LARGE1: variants seen among roughly 807,000 people sequenced by gnomAD.
LARGE1 encodes LARGE xylosyl- and glucuronyltransferase 1, also known as xylosyl- and glucuronyltransferase LARGE1.
A neutral mutation model predicts 87.6 loss-of-function variants in LARGE1; 43 were observed. The ratio of observed to expected loss-of-function variants is 0.49; its 90% confidence interval spans 0.38 to 0.63. The LOEUF is 0.63. LARGE1 is among the 30% of genes least tolerant of loss of function. The pLI is 0.00. For missense variants in LARGE1, 802 were observed against 1,000.2 expected, an observed-to-expected ratio of 0.80 and a Z score of 2.67; for synonymous variants, 434 against 394.6, an observed-to-expected ratio of 1.10 and a Z score of -1.18.
intron 7 of LARGE1, among the ~76,000 whole-genome samples, chr22:33,401,066 T>C (rs2065911523): frequency 6.6e-6 from 1 of 151,964 alleles, no homozygotes; most frequent in Non-Finnish European, 1.5e-5. Context: ...TGTTTCTCCC[T>C]CGCACACTCT....
intron 7 of LARGE1, among the ~76,000 whole-genome samples, chr22:33,401,938 A>G (rs948243364): frequency 1.3e-5 from 2 of 152,192 alleles, no homozygotes; most frequent in South Asian, 2.1e-4. Flanking sequence ...TGGGTGCCCC[A>G]GCATCCCTTG....
At chr22:33,466,974 G>A (rs927388278) in intron 6 of LARGE1, among the ~76,000 whole-genome samples, 5 of 152,160 alleles carry the variant, frequency 3.3e-5, no homozygotes, top group Non-Finnish European at 7.3e-5. Context: ...TCTGGGAGGT[G>A]GAGGTTGCAG....
chr22:33,834,630 T>G (rs964185718), intron 1 of LARGE1, among the ~76,000 whole-genome samples: 1 of 152,238 alleles, frequency 6.6e-6, no homozygotes, highest in African/African-American at 2.4e-5. Context: ...ATTAAAAAGC[T>G]TTATTGCTCA....
At chr22:33,573,085 G>GCAATGTTATTGCTATATCTAAGCAATAA (rs2078253724) in intron 5 of LARGE1, among the ~76,000 whole-genome samples, 1 of 152,072 alleles carries the variant, frequency 6.6e-6, no homozygotes, top group Admixed American at 6.5e-5. Context: ...CTATATCTAA[G>GCAATGTTATTGCTATATCTAAGCAATAA]CAATGGATAT....
intron 11 of LARGE1, among the ~76,000 whole-genome samples, chr22:33,177,769 T>C (rs537608610): frequency 1.3e-5 from 2 of 152,308 alleles, no homozygotes; most frequent in Admixed American, 6.5e-5. Context: ...TCACTTGATA[T>C]GGTTTGACTC....
intron 1 of LARGE1, among the ~76,000 whole-genome samples, chr22:33,792,298 AGT>A (rs1485374351): frequency 6.6e-6 from 1 of 152,134 alleles, no homozygotes; most frequent in Non-Finnish European, 1.5e-5. Flanking sequence ...CGTGATAATG[AGT>A]GTGTCTCAGG....
intron 6 of LARGE1, among the ~76,000 whole-genome samples, chr22:33,476,277 G>C (rs117933226): frequency 1.3e-5 from 2 of 152,284 alleles, no homozygotes; most frequent in East Asian, 3.9e-4. Context: ...CAGATTCATT[G>C]AGCCAGACTA....
chr22:33,297,129 T>C (rs1933392807), intron 12 of LARGE1, among the ~76,000 whole-genome samples: 1 of 152,222 alleles, frequency 6.6e-6, no homozygotes, highest in Non-Finnish European at 1.5e-5. Context: ...TGGTGCCACC[T>C]CTACCTGGCT....
intron 11 of LARGE1, among the ~76,000 whole-genome samples, chr22:33,172,263 T>C (rs1407973911): frequency 6.6e-6 from 1 of 152,238 alleles, no homozygotes; most frequent in East Asian, 1.9e-4. Flanking sequence ...TCATAGGGAC[T>C]TGCTTTGTCT....
chr22:33,641,321 TAACA>T (rs2080425546), intron 3 of LARGE1, among the ~76,000 whole-genome samples: 1 of 151,944 alleles, frequency 6.6e-6, no homozygotes, highest in Non-Finnish European at 1.5e-5. Flanking sequence ...GAAGGAAAAC[TAACA>T]AACATAAAGC....
chr22:33,145,853 C>T, the LARGE1 span, among the ~76,000 whole-genome samples: 2 of 152,158 alleles, frequency 1.3e-5, no homozygotes, highest in Admixed American at 6.5e-5. Flanking sequence ...TAAAGACCAA[C>T]AACTCATCAA....
chr22:33,450,603 T>TTAAATAAATAAATAAA (rs10605303), intron 6 of LARGE1, among the ~76,000 whole-genome samples: 3 of 149,294 alleles, frequency 2.0e-5, no homozygotes, highest in South Asian at 2.2e-4. Flanking sequence ...CAAGATTCTG[T>TTAAATAAATAAATAAA]TAAATAAATA....
At chr22:33,791,059 T>G (rs2085806625) in intron 1 of LARGE1, among the ~76,000 whole-genome samples, 1 of 152,224 alleles carries the variant, frequency 6.6e-6, no homozygotes, top group Non-Finnish European at 1.5e-5. Context: ...GGATAGATGG[T>G]CTGTTTTATA....
At chr22:33,238,905 A>T (rs1926375780) in intron 11 of LARGE1, among the ~76,000 whole-genome samples, 1 of 152,194 alleles carries the variant, frequency 6.6e-6, no homozygotes, top group Admixed American at 6.5e-5. Flanking sequence ...AAGTGGTTAC[A>T]TTTAAGAAGA....
chr22:33,140,098 G>C, the LARGE1 span, among the ~76,000 whole-genome samples: 4 of 152,234 alleles, frequency 2.6e-5, no homozygotes, highest in Non-Finnish European at 5.9e-5. Context: ...GTCTGGGATA[G>C]AGCTTCCTAT....
intron 6 of LARGE1, among the ~76,000 whole-genome samples, chr22:33,561,405 G>C (rs1245067209): frequency 6.6e-6 from 1 of 152,188 alleles, no homozygotes; most frequent in Non-Finnish European, 1.5e-5. Flanking sequence ...AGAGCTGCAA[G>C]GACATCTGCC....
the LARGE1 span, among the ~76,000 whole-genome samples, chr22:33,078,667 A>T: frequency 2.0e-5 from 3 of 152,232 alleles, no homozygotes; most frequent in Non-Finnish European, 4.4e-5. Context: ...CTTACAAATC[A>T]ATTCAACAAC....
At chr22:33,741,187 T>G (rs1301878733) in intron 2 of LARGE1, among the ~76,000 whole-genome samples, 1 of 152,222 alleles carries the variant, frequency 6.6e-6, no homozygotes, top group Non-Finnish European at 1.5e-5. Flanking sequence ...CGCTGCAACA[T>G]TATAAGCACT....
At chr22:33,857,827 A>G (rs950306085) in intron 1 of LARGE1, among the ~76,000 whole-genome samples, 19 of 152,216 alleles carry the variant, frequency 1.2e-4, no homozygotes, top group African/African-American at 4.3e-4. Context: ...TGTGGAAGAC[A>G]GTGTGGCGAT....
Sources: allele counts gnomAD v4.1 joint callset (sites outside exome capture counted in the v4.1 genomes callset), GRCh38; gene constraint gnomAD v4.1.1; transcripts MANE v1.5; gene names NCBI Gene and HGNC (gene_info 2026-07-23, HGNC 2026-07-21).